The following MEST variants were observed in gnomAD, a reference collection of about 807,000 sequenced individuals.
MEST encodes mesoderm-specific transcript homolog protein.
A neutral mutation model predicts 50.9 loss-of-function variants in MEST; 18 were observed. The observed-to-expected ratio is 0.35, with a 90% CI of 0.24 to 0.52. The LOEUF is 0.52. Ranked by LOEUF, MEST falls within the 20% of genes least tolerant of loss-of-function variation. The probability of loss-of-function intolerance (pLI) is 0.94; values close to 1 mark genes in which losing one functional copy is unlikely to be tolerated. For missense variants in MEST, 282 were observed against 425.3 expected (o/e 0.66, Z 2.96); for synonymous variants, 130 against 154.1 (o/e 0.84, Z 1.16).
chr7:130,493,165 T>A (rs1554435891), intron 1 of MEST: 1 of 152,028 alleles, frequency 6.6e-6, no homozygotes, highest in African/African-American at 2.4e-5. Flanking sequence ...CAAGCGCGAG[T>A]GAGAACGGCG....
intron 9 of MEST, chr7:130,501,185 A>G: frequency 4.1e-6 from 1 of 244,042 alleles, no homozygotes; most frequent in Non-Finnish European, 7.8e-6. Context: ...AGCAACGGGG[A>G]GTGAGAGGGC....
At chr7:130,493,249 C>T (rs1554435927) in intron 1 of MEST, 2 of 152,232 alleles carry the variant, frequency 1.3e-5, no homozygotes. Context: ...GTTCGTCTCG[C>T]GGCGACGCCA....
At chr7:130,487,105 A>G (rs1401123147), upstream of MEST, 14 of 152,028 alleles carry the variant, frequency 9.2e-5, no homozygotes, top group Admixed American at 9.2e-4. Context: ...ACAGGAAAAA[A>G]AAAAAAAAGC....
Position 130,498,252 on chromosome 7 carries a change from T to C in MEST, c.453T>C (p.Ile151=), listed in dbSNP as rs537004114. 8 of 1,614,188 alleles carry C rather than the reference T, an allele frequency of 5.0e-6. No homozygotes were observed. Among genetic ancestry groups the C allele is most frequent in the Non-Finnish European group, 6.8e-6 (8 of 1,180,026 alleles). Residue 151 remains isoleucine (I), a synonymous_variant, in exon 5 of 12, where the codon ATT becomes ATC. Transcript: ENST00000223215. The part of the protein sequence containing the change: ...INLLSHDYGD[I]VAQELLYRYK... ...TTCTTTCTCATGACTATGGAGATAT[T>C]GTTGCTCAGGAGCTTCTCTACAGGT...
intron 9 of MEST, 149 bp downstream of exon 9, chr7:130,501,039 A>G (rs782671231): frequency 7.7e-5 from 44 of 570,332 alleles, no homozygotes; most frequent in Non-Finnish European, 1.3e-4. Flanking sequence ...GTCTATATGA[A>G]GAAAGAAATA....
At position 130,500,619 on chromosome 7, in the gene MEST, G is replaced by T; in HGVS notation, c.647+87G>T. The T allele has an allele frequency of 7.1e-7, 1 of 1,401,446 alleles. No individual in the cohort carries two copies. Among genetic ancestry groups the T allele is most frequent in the African/African-American group, 1.4e-5 (1 of 70,448 alleles). The allele number at this position is 1,401,446 out of a possible 1,614,324, so 86.8% of individuals were successfully genotyped here. On this transcript the variant is annotated intron_variant, in intron 8 of 11. Transcript: ENST00000223215. This position sits in a 1 kb window ranked among gnomAD's most constrained non-coding sequence, Gnocchi z 5.0. ...AATTCTGGGCCAAATCCTAAGGCTT[G>T]ATATTTTAAAGCAAAGGTGTTGGCC...
chr7:130,503,787 GC>G (rs1305208247), intron 10 of MEST, 145 bp from the exon 11 acceptor site: 39 of 615,110 alleles, frequency 6.3e-5, no homozygotes, highest in Non-Finnish European at 1.1e-4. Context: ...CTGCACTCCA[GC>G]CTGAGCAAGG....
upstream of MEST, chr7:130,488,509 AAAG>A (rs1798689228): frequency 6.6e-6 from 1 of 152,242 alleles, no homozygotes; most frequent in Non-Finnish European, 1.5e-5. Context: ...GGAGTAGTGG[AAAG>A]AAGGCCAACT....
At chr7:130,496,300 T>TC in intron 2 of MEST, 1 of 396,560 alleles carries the variant, frequency 2.5e-6, no homozygotes, top group Non-Finnish European at 4.8e-6. Flanking sequence ...TTCATGTCCA[T>TC]ACAGTTTATT....
At chr7:130,503,449 A>G (rs1563027684) in intron 10 of MEST, among the ~76,000 whole-genome samples, 1 of 152,218 alleles carries the variant, frequency 6.6e-6, no homozygotes, top group Non-Finnish European at 1.5e-5. Flanking sequence ...CGTGCCTAGC[A>G]GTTTTTTAGA....
At chr7:130,503,772 C>T (rs1200837032) in intron 10 of MEST, among the ~76,000 whole-genome samples, 161 bp from the exon 11 acceptor site, 1 of 152,184 alleles carries the variant, frequency 6.6e-6, no homozygotes, top group African/African-American at 2.4e-5. Flanking sequence ...GCTATGACTG[C>T]ACCACTGCAC....
chr7:130,504,373 T>C (rs1379869954), intron 11 of MEST, among the ~76,000 whole-genome samples: 1 of 152,216 alleles, frequency 6.6e-6, no homozygotes, highest in Non-Finnish European at 1.5e-5. Flanking sequence ...CAAGGAGAGA[T>C]TGAGAAGAGC....
At position 130,492,821 on chromosome 7, in the gene MEST, A is replaced by G. The variant is rs1798880991; in HGVS notation, c.26+482A>G. 6.6e-6 allele frequency among the ~76,000 whole-genome samples: 1 copy of G among 151,600 alleles called. No individual in the cohort carries two copies. Among genetic ancestry groups the G allele is most frequent in the Non-Finnish European group, 1.5e-5 (1 of 67,906 alleles). ...CGGCTTCCCTCTGGTGCGATTCAGG[A>G]TTCTTAGACTCCGCCGTTGCCGTGG... On this transcript the variant is annotated intron_variant, in intron 1 of 11. Coordinates refer to ENST00000223215, the MANE Select transcript of MEST (RefSeq NM_002402.4). The surrounding 1 kb of genome is among the most constrained non-coding windows in gnomAD (Gnocchi z 7.6).
At chr7:130,496,073 T>A in intron 2 of MEST, 1 of 470,166 alleles carries the variant, frequency 2.1e-6, no homozygotes, top group Non-Finnish European at 4.4e-6. Flanking sequence ...AACCTCATTT[T>A]ATAGGTGAAG....
intron 1 of MEST, 93 bp from the exon 2 acceptor site, chr7:130,495,275 G>A: frequency 1.5e-6 from 2 of 1,313,124 alleles, no homozygotes; most frequent in South Asian, 1.5e-5. Context: ...CATGGTAACA[G>A]CAATCTCCCA....
chr7:130,495,567 A>C, intron 2 of MEST, 45 bp downstream of exon 2: 9 of 1,587,854 alleles, frequency 5.7e-6, no homozygotes, highest in Middle Eastern at 2.0e-4. Flanking sequence ...CGGTCACATA[A>C]GTCCCAGCTG....
At chr7:130,488,676 A>G (rs999922377), upstream of MEST, 1 of 152,254 alleles carries the variant, frequency 6.6e-6, no homozygotes, top group Non-Finnish European at 1.5e-5. Flanking sequence ...GTGAAGATCC[A>G]TGCTCATGGT....
Position 130,497,788 on chromosome 7 carries a change from A to G in MEST, c.262-148A>G. On this transcript the variant is annotated intron_variant, in intron 3 of 11. Coordinates refer to ENST00000223215, the MANE Select transcript of MEST (RefSeq NM_002402.4). This position sits in a 1 kb window ranked among gnomAD's most constrained non-coding sequence, Gnocchi z 4.0. ...GAATAAAGCATTTTCCAAGAGGATCATCTGTGGGACCTGTGGTAGTTTCAT... is the reference window on the plus strand; with the variant it reads ...GAATAAAGCATTTTCCAAGAGGATCGTCTGTGGGACCTGTGGTAGTTTCAT... 1.4e-6 allele frequency: 1 copy of G among 714,658 alleles called. No individual in the cohort carries two copies. Among genetic ancestry groups the G allele is most frequent in the South Asian group, 1.7e-5 (1 of 58,714 alleles). 44.3% of individuals were successfully genotyped at this position (714,658 alleles called of 1,614,324 possible).
Position 130,497,327 on chromosome 7 carries a change from T to TGGGAGGATGACCTGAGGTC in MEST, c.261+93_261+111dup, listed in dbSNP as rs1316424941. ...ATCCTAGCACTTTGGGAGGCTGAGG[T>TGGGAGGATGACCTGAGGTC]GGGAGGATGACCTGAGGTCAGGAGT... On this transcript the variant is annotated intron_variant, in intron 3 of 11. Transcript: ENST00000223215. This position sits in a 1 kb window ranked among gnomAD's most constrained non-coding sequence, Gnocchi z 4.0. The TGGGAGGATGACCTGAGGTC allele has an allele frequency of 1.8e-4, 182 of 1,007,420 alleles. 3 individuals carry two copies. The Admixed American group carries it at 2.2e-3, about 12-fold the overall frequency. 62.4% of individuals were successfully genotyped at this position (1,007,420 alleles called of 1,614,324 possible). A position where few individuals can be genotyped will look rare whatever the true frequency, so the allele number is the denominator to read the frequency against.
Sources: allele counts gnomAD v4.1 joint callset (sites outside exome capture counted in the v4.1 genomes callset), GRCh38; gene constraint gnomAD v4.1.1; non-coding constraint Gnocchi (gnomAD v3.1); transcripts MANE v1.5; gene names NCBI Gene and HGNC (gene_info 2026-07-23, HGNC 2026-07-21).